PLCE1: variants seen among roughly 807,000 people sequenced by gnomAD.
The protein encoded by PLCE1 is phospholipase C epsilon 1.
Under a neutral mutation model 242.8 loss-of-function variants are expected in PLCE1, and 119 were observed. The ratio of observed to expected loss-of-function variants is 0.49; its 90% CI spans 0.42 to 0.57. The LOEUF (loss-of-function observed/expected upper bound fraction) is 0.57. Among genes scored for constraint, PLCE1 ranks in the 20% least tolerant of loss-of-function variants. The pLI, the probability that PLCE1 is intolerant of heterozygous loss-of-function variation, is 0.00. For missense variants in PLCE1, 2,441 were observed against 2,788.8 expected, an observed-to-expected ratio of 0.88 and a Z score of 2.81; for synonymous variants, 945 against 1,017.4, an observed-to-expected ratio of 0.93 and a Z score of 1.35.
chr10:94,005,890 C>T (rs2061027104), intron 1 of PLCE1, among the ~76,000 whole-genome samples: 1 of 152,202 alleles, frequency 6.6e-6, no homozygotes, highest in Non-Finnish European at 1.5e-5. Flanking sequence ...CCCTATGAAG[C>T]CAAGGCCAGG....
intron 2 of PLCE1, among the ~76,000 whole-genome samples, chr10:94,052,639 CTTTT>C (rs1680604320): frequency 6.6e-6 from 1 of 152,028 alleles, no homozygotes; most frequent in Admixed American, 6.5e-5. Flanking sequence ...TTCTTTCTTT[CTTTT>C]TCTTTTTTTC....
At position 94,227,308 on chromosome 10, in the gene PLCE1, G is replaced by C; in HGVS notation, c.1812G>C (p.Val604=). 1.2e-6 allele frequency: 2 copies of C among 1,614,084 alleles called. No individual in the cohort carries two copies. The highest frequency in any genetic ancestry group is 1.7e-6 in the Non-Finnish European group (2 of 1,179,944). The change falls in exon 5 of 33, where the codon GTG becomes GTC. Residue 604 remains valine (V), a splice_region_variant and synonymous_variant. Coordinates refer to ENST00000371380, the MANE Select transcript of PLCE1 (RefSeq NM_016341.4). ...GAATGTCTCTGTGTGTTTTCCAGGT[G>C]AGCTCCTGGGTGACATGGCTGATCC... The part of the protein sequence containing the change: ...LEDLVMRFNE[V]SSWVTWLILT...
At chr10:94,090,538 G>C (rs1313080637) in intron 2 of PLCE1, among the ~76,000 whole-genome samples, 1 of 152,170 alleles carries the variant, frequency 6.6e-6, no homozygotes, top group East Asian at 1.9e-4. Flanking sequence ...CTTCCTTATG[G>C]AAGGTGCGGG....
chr10:94,164,011 C>T (rs964834938), intron 3 of PLCE1, among the ~76,000 whole-genome samples: 8 of 152,122 alleles, frequency 5.3e-5, no homozygotes, highest in South Asian at 2.1e-4. Flanking sequence ...GAGTTTCTGC[C>T]GAGAGATCAG....
chr10:94,018,399 G>A (rs1471170222), intron 1 of PLCE1, among the ~76,000 whole-genome samples: 1 of 152,156 alleles, frequency 6.6e-6, no homozygotes, highest in Non-Finnish European at 1.5e-5. Flanking sequence ...AGGCTACTCT[G>A]CCCTTGCTAA....
intron 3 of PLCE1, among the ~76,000 whole-genome samples, chr10:94,170,641 C>A (rs1412732587): frequency 1.3e-5 from 2 of 152,168 alleles, no homozygotes; most frequent in Non-Finnish European, 2.9e-5. Context: ...GAAATCAAAG[C>A]CACTCTTTGA....
At chr10:93,996,218 G>A (rs1260362693) in intron 1 of PLCE1, among the ~76,000 whole-genome samples, 1 of 152,186 alleles carries the variant, frequency 6.6e-6, no homozygotes, top group Admixed American at 6.5e-5. Context: ...TCTCTCTGCC[G>A]GAACTACTTC....
chr10:94,152,951 T>G (rs2047318448), intron 3 of PLCE1, among the ~76,000 whole-genome samples: 1 of 152,192 alleles, frequency 6.6e-6, no homozygotes, highest in African/African-American at 2.4e-5. Flanking sequence ...GATACTCGTA[T>G]CATCAAAGGT....
At chr10:94,169,000 T>A (rs1220870901) in intron 3 of PLCE1, among the ~76,000 whole-genome samples, 1 of 152,186 alleles carries the variant, frequency 6.6e-6, no homozygotes, top group African/African-American at 2.4e-5. Context: ...AACCTGATTT[T>A]AATTTTTTTT....
At chr10:94,025,808 A>T (rs2061444795) in intron 1 of PLCE1, among the ~76,000 whole-genome samples, 1 of 152,214 alleles carries the variant, frequency 6.6e-6, no homozygotes, top group Non-Finnish European at 1.5e-5. Flanking sequence ...AAAGATGGCT[A>T]TCAAGCCTCC....
intron 2 of PLCE1, among the ~76,000 whole-genome samples, chr10:94,040,988 G>A (rs1321609827): frequency 2.0e-5 from 3 of 152,190 alleles, no homozygotes; most frequent in African/African-American, 7.2e-5. Context: ...AGCCACAACA[G>A]ACACTGTATG....
chr10:94,128,930 C>G (rs11187792), intron 2 of PLCE1, among the ~76,000 whole-genome samples: 41,729 of 152,120 alleles, frequency 0.27, 7,032 homozygotes, highest in Non-Finnish European at 0.38. Flanking sequence ...CTCAGTGTTA[C>G]CAGATTGTTT....
intron 1 of PLCE1, among the ~76,000 whole-genome samples, chr10:94,007,705 T>C (rs1428934825): frequency 7.1e-6 from 1 of 140,196 alleles, no homozygotes; most frequent in East Asian, 2.2e-4. Flanking sequence ...CTTTCTTTTT[T>C]TTTTTTTTTT....
intron 19 of PLCE1, chr10:94,279,306 A>G (rs2052099484): frequency 6.0e-6 from 1 of 166,402 alleles, no homozygotes; most frequent in African/African-American, 2.4e-5. Flanking sequence ...ATTTAAACCA[A>G]CAACAATTCT....
chr10:94,111,586 C>T (rs2045957566), intron 2 of PLCE1, among the ~76,000 whole-genome samples: 1 of 152,130 alleles, frequency 6.6e-6, no homozygotes, highest in African/African-American at 2.4e-5. Context: ...TAGAGAGCCC[C>T]TGCAAGGCAC....
intron 3 of PLCE1, among the ~76,000 whole-genome samples, chr10:94,145,113 C>A (rs1334990876): frequency 6.6e-6 from 1 of 152,196 alleles, no homozygotes; most frequent in Non-Finnish European, 1.5e-5. Context: ...CCCCTTCCAG[C>A]CCTCATTGTA....
In PLCE1 at chr10:94,031,056, G is replaced by A. The variant is rs199886888; in HGVS notation, c.10G>A (p.Glu4Lys). 6.2e-7 allele frequency: 1 copy of A among 1,613,552 alleles called. No homozygotes were observed. The highest frequency in any genetic ancestry group is 1.7e-5 in the Admixed American group (1 of 59,954). The part of the protein sequence containing the change: MTS[E>K]EMTASVLIPV... ...TGTGTGTTAGTCCAAGATGACTTCT[G>A]AAGAAATGACAGCTTCTGTTCTCAT... The change falls in exon 2 of 33, where the codon GAA (glutamate) becomes AAA (lysine). Residue 4 changes from glutamate to lysine, a missense_variant. By Grantham distance (56) the Glu-to-Lys change is moderately conservative. Around this residue, in one of 5 missense-constraint regions of PLCE1, gnomAD observed 393 missense variants for 378.5 expected, o/e 1.04. Coordinates refer to ENST00000371380, the MANE Select transcript of PLCE1 (RefSeq NM_016341.4).
chr10:94,220,376 TTATATATATATATATATATATATA>T lies in PLCE1; in HGVS notation c.1810-6910_1810-6887del, dbSNP rs59633337. Among the ~76,000 whole-genome samples, 133 of 61,910 alleles carry T rather than the reference TTATATATATATATATATATATATA, an allele frequency of 2.1e-3. 3 individuals carry two copies. The highest frequency in any genetic ancestry group is 6.6e-3 in the African/African-American group (105 of 15,986). 40.6% of individuals were successfully genotyped at this position (61,910 alleles called of 152,430 possible). ...AATAAAAGCTTAAAAACTAAACATT[TTATATATATATATATATATATATA>T]TATATATATATATATATATGATTGG... On this transcript the variant is annotated intron_variant, in intron 4 of 32. Transcript: ENST00000371380.
At chr10:94,289,685 C>T (rs1048950050) in intron 22 of PLCE1, among the ~76,000 whole-genome samples, 5 of 152,080 alleles carry the variant, frequency 3.3e-5, no homozygotes, top group African/African-American at 1.2e-4. Context: ...AAAATTATGA[C>T]ATAAAAGATT....
Sources: gnomAD v4.1 joint callset for allele counts (sites outside exome capture counted in the v4.1 genomes callset) on GRCh38, gnomAD v4.1.1 for gene constraint, gnomAD v4.1.1 regional missense constraint, MANE v1.5 for transcripts, NCBI Gene and HGNC (gene_info 2026-07-23, HGNC 2026-07-21) for gene names.